The following EHD3 variants were observed in gnomAD, a reference collection of about 807,000 sequenced individuals.
The protein encoded by EHD3 is EH domain containing 3.
In EHD3, 17 loss-of-function variants were observed where a neutral mutation model predicts 43.0. The observed-to-expected ratio is 0.40, with a 90% CI of 0.27 to 0.59. EHD3 has a LOEUF of 0.59. EHD3 is among the 20% of genes least tolerant of loss of function. The pLI is 0.49. For missense variants in EHD3, 594 were observed against 705.6 expected (o/e 0.84, Z 1.79); for synonymous variants, 313 against 289.5 (o/e 1.08, Z -0.82).
chr2:31,249,499 T>C, intron 3 of EHD3, 31 bp downstream of exon 3: 1 of 1,601,484 alleles, frequency 6.2e-7, no homozygotes, highest in Non-Finnish European at 8.6e-7. Flanking sequence ...GTGTTGGCTG[T>C]GGGCTCCATG....
rs762969344 is a variant in EHD3, at chr2:31,249,375, G to A, written c.409G>A (p.Val137Met). Residue 137 changes from valine (V) to methionine (M), a missense_variant, in exon 3 of 6, where the codon GTG becomes ATG. Val to Met is a conservative substitution (Grantham distance 21, BLOSUM62 1). Transcript: ENST00000322054. ...AFGNAFLNRF[V>M]CAQLPNPVLE... Reference sequence around the variant, plus strand: ...AGGTTACCTCTGCCCATGCAGGTTCGTGTGTGCCCAGCTACCTAACCCTGT... The same window carrying A: ...AGGTTACCTCTGCCCATGCAGGTTCATGTGTGCCCAGCTACCTAACCCTGT... 218 of 1,614,030 alleles carry A rather than the reference G, an allele frequency of 1.4e-4. No homozygotes were observed. In the East Asian group the frequency reaches 4.5e-3, roughly 33 times the overall value.
At chr2:31,245,528 A>AATATATATATATATAT (rs775189280) in intron 2 of EHD3, among the ~76,000 whole-genome samples, 12 of 75,024 alleles carry the variant, frequency 1.6e-4, no homozygotes, top group African/African-American at 4.1e-4. Context: ...TCTTATCCCA[A>AATATATATATATATAT]ATATATATAT....
Position 31,260,987 on chromosome 2 carries a change from G to A in EHD3, c.915+65G>A, listed in dbSNP as rs566490751. ...GCCCAGAGTTTGGGGTCAGCTGCAC[G>A]AGCTGAGGGTTGCTGCCTCCAACAG... On this transcript the variant is annotated intron_variant, in intron 4 of 5. Transcript: ENST00000322054. This position sits in a 1 kb window ranked among gnomAD's most constrained non-coding sequence, Gnocchi z 4.6. 94 of 1,514,296 alleles carry A rather than the reference G, an allele frequency of 6.2e-5. No homozygotes were observed. In the East Asian group the frequency reaches 7.5e-4, roughly 12 times the overall value. 93.8% of individuals were successfully genotyped at this position (1,514,296 alleles called of 1,614,324 possible). A position where few individuals can be genotyped will look rare whatever the true frequency, so the allele number is the denominator to read the frequency against.
chr2:31,259,605 T>A (rs1683809498), intron 3 of EHD3, among the ~76,000 whole-genome samples: 1 of 152,178 alleles, frequency 6.6e-6, no homozygotes, highest in African/African-American at 2.4e-5. Context: ...AAACCCCTTG[T>A]GGTTTCAAGA....
At chr2:31,234,974 T>C in intron 1 of EHD3, 126 bp downstream of exon 1, 1 of 896,258 alleles carries the variant, frequency 1.1e-6, no homozygotes, top group Non-Finnish European at 1.7e-6. Context: ...TCTGAAGAGA[T>C]CTGTGTTTGT....
chr2:31,260,452 C>A lies in EHD3; in HGVS notation c.503-58C>A. The A allele has an allele frequency of 2.0e-6, 3 of 1,505,290 alleles. No individual in the cohort carries two copies. Among genetic ancestry groups the A allele is most frequent in the Non-Finnish European group, 2.7e-6 (3 of 1,122,726 alleles). 93.2% of individuals were successfully genotyped at this position (1,505,290 alleles called of 1,614,324 possible). ...ATTTCTACCACACCCGACTGCTTCTCCAAACCCCTACCCTATACCCCAAAG... is the reference window on the plus strand; with the variant it reads ...ATTTCTACCACACCCGACTGCTTCTACAAACCCCTACCCTATACCCCAAAG... On this transcript the variant is annotated intron_variant, in intron 3 of 5. Transcript: ENST00000322054. The surrounding 1 kb of genome is among the most constrained non-coding windows in gnomAD (Gnocchi z 4.6).
chr2:31,240,089 C>T (rs1030768650), intron 1 of EHD3, among the ~76,000 whole-genome samples: 1 of 152,158 alleles, frequency 6.6e-6, no homozygotes, highest in African/African-American at 2.4e-5. Context: ...ATAGCTGCTC[C>T]AGGGAACACG....
chr2:31,239,106 T>A (rs889449021), intron 1 of EHD3, among the ~76,000 whole-genome samples: 6 of 152,302 alleles, frequency 3.9e-5, no homozygotes, highest in African/African-American at 1.4e-4. Flanking sequence ...GCCTTCGCAT[T>A]TGCTGTGGCC....
At chr2:31,235,400 G>GT (rs761267927) in intron 1 of EHD3, among the ~76,000 whole-genome samples, 51 of 152,202 alleles carry the variant, frequency 3.4e-4, no homozygotes, top group Non-Finnish European at 5.0e-4. Context: ...CAGAGCTCCT[G>GT]TGTATATATC....
intron 1 of EHD3, among the ~76,000 whole-genome samples, chr2:31,240,511 T>C (rs1683403364): frequency 6.6e-6 from 1 of 152,222 alleles, no homozygotes; most frequent in African/African-American, 2.4e-5. Flanking sequence ...CTGGACTTGC[T>C]GGTGGCCTCA....
intron 3 of EHD3, among the ~76,000 whole-genome samples, chr2:31,250,036 G>T (rs540239619): frequency 7.7e-6 from 1 of 130,304 alleles, no homozygotes; most frequent in African/African-American, 2.9e-5. Flanking sequence ...GCCTGCCTCT[G>T]CCACTTCATA....
At chr2:31,248,610 C>G (rs935785481) in intron 2 of EHD3, among the ~76,000 whole-genome samples, 1 of 152,192 alleles carries the variant, frequency 6.6e-6, no homozygotes, top group Non-Finnish European at 1.5e-5. Context: ...GGCATAGAGC[C>G]TGAGTGAGAC....
intron 1 of EHD3, among the ~76,000 whole-genome samples, chr2:31,243,544 C>A (rs188578022): frequency 7.1e-4 from 105 of 148,858 alleles, no homozygotes; most frequent in Non-Finnish European, 1.2e-3. Context: ...GCGACCTCTG[C>A]CTCCCGGGTT....
intron 2 of EHD3, among the ~76,000 whole-genome samples, chr2:31,247,363 A>C (rs529716127): frequency 0.013 from 2,024 of 151,260 alleles, 61 homozygotes; most frequent in African/African-American, 0.046. Context: ...CAAAAAAAAA[A>C]ATTATAAAGA....
chr2:31,238,773 G>A (rs928011830), intron 1 of EHD3, among the ~76,000 whole-genome samples: 5 of 152,222 alleles, frequency 3.3e-5, no homozygotes, highest in African/African-American at 1.2e-4. Context: ...GAGGTGAGTA[G>A]CTGGCTGCTC....
chr2:31,246,497 A>G (rs1683527570), intron 2 of EHD3, among the ~76,000 whole-genome samples: 1 of 152,220 alleles, frequency 6.6e-6, no homozygotes, highest in Admixed American at 6.5e-5. Context: ...GCTCATCACA[A>G]GAGAAGAGTA....
intron 2 of EHD3, 68 bp downstream of exon 2, chr2:31,244,518 A>T: frequency 6.5e-7 from 1 of 1,540,690 alleles, no homozygotes; most frequent in Non-Finnish European, 8.8e-7. Flanking sequence ...GGAGTGAAAG[A>T]ACAGTAGGCA....
At chr2:31,235,742 T>C (rs1441017336) in intron 1 of EHD3, among the ~76,000 whole-genome samples, 1 of 152,186 alleles carries the variant, frequency 6.6e-6, no homozygotes, top group Non-Finnish European at 1.5e-5. Context: ...GGAGGGAGGC[T>C]CAAGAAGTCA....
Position 31,260,916 on chromosome 2 carries a change from G to A in EHD3, c.909G>A (p.Leu303=), listed in dbSNP as rs1386749549. The A allele has an allele frequency of 2.5e-6, 4 of 1,602,576 alleles. No individual in the cohort carries two copies. The highest frequency in any genetic ancestry group is 3.4e-6 in the Non-Finnish European group (4 of 1,174,120). ...KLNDLIKRAR[L]AKVHAYIISS... is the part of the protein sequence containing the mutation. ...ACGACCTCATCAAAAGGGCCAGGCT[G>A]GCCAAGGTGAGGCAGCCCCCTGGGA... Residue 303 remains leucine (L), a synonymous_variant, in exon 4 of 6, where the codon CTG becomes CTA. Coordinates refer to ENST00000322054, the MANE Select transcript of EHD3 (RefSeq NM_014600.3). The surrounding 1 kb of genome is among the most constrained non-coding windows in gnomAD (Gnocchi z 4.6).
Sources: allele counts gnomAD v4.1 joint callset (sites outside exome capture counted in the v4.1 genomes callset), GRCh38; gene constraint gnomAD v4.1.1; non-coding constraint Gnocchi (gnomAD v3.1); transcripts MANE v1.5; gene names NCBI Gene and HGNC (gene_info 2026-07-23, HGNC 2026-07-21).